SMYD3: variants seen among roughly 807,000 people sequenced by gnomAD.
SMYD3 encodes the protein histone-lysine N-methyltransferase SMYD3.
A neutral mutation model predicts 57.7 loss-of-function variants in SMYD3; 36 were observed. The ratio of observed to expected loss-of-function variants is 0.62; its 90% confidence interval spans 0.48 to 0.82. The LOEUF is 0.82. SMYD3 is among the 40% of genes least tolerant of loss of function. The pLI is 0.00. For synonymous variants in SMYD3, 211 were observed against 195.0 expected, an observed-to-expected ratio of 1.08 and a Z score of -0.68; for missense variants, 515 against 538.8, an observed-to-expected ratio of 0.96 and a Z score of 0.44.
Position 246,246,821 on chromosome 1 carries a change from C to T in SMYD3, c.531+80380G>A, listed in dbSNP as rs2063711353. Among the ~76,000 whole-genome samples the T allele has an allele frequency of 3.4e-5, 5 of 148,542 alleles. No individual in the cohort carries two copies. In the South Asian group the frequency reaches 1.1e-3, roughly 33 times the overall value. ...AATTTGCCTGACTCTAACATTTACA[C>T]TATATATATTTTATACATATATACT... On this transcript the variant is annotated intron_variant, in intron 5 of 11. Transcript: ENST00000490107.
intron 5 of SMYD3, among the ~76,000 whole-genome samples, chr1:245,966,808 T>C (rs765960099): frequency 6.6e-6 from 1 of 152,048 alleles, no homozygotes; most frequent in Admixed American, 6.5e-5. Context: ...TTCAAGGCTG[T>C]AGGGAGTACA....
chr1:246,285,368 T>C (rs1463791967), intron 5 of SMYD3, among the ~76,000 whole-genome samples: 1 of 152,214 alleles, frequency 6.6e-6, no homozygotes, highest in African/African-American at 2.4e-5. Flanking sequence ...CATTGACTGA[T>C]GGGCATTTGG....
intron 10 of SMYD3, among the ~76,000 whole-genome samples, chr1:245,778,776 T>C (rs1368628671): frequency 6.6e-6 from 1 of 151,884 alleles, no homozygotes; most frequent in Non-Finnish European, 1.5e-5. Flanking sequence ...GCAAGAGTTC[T>C]TAAATATGAC....
intron 10 of SMYD3, among the ~76,000 whole-genome samples, chr1:245,851,732 A>C (rs1454658051): frequency 6.6e-6 from 1 of 152,094 alleles, no homozygotes; most frequent in Non-Finnish European, 1.5e-5. Flanking sequence ...TATATCTAGC[A>C]CTCTTGCTAC....
intron 5 of SMYD3, among the ~76,000 whole-genome samples, chr1:246,058,945 G>C (rs371533137): frequency 1.3e-5 from 2 of 149,644 alleles, no homozygotes; most frequent in African/African-American, 5.0e-5. Context: ...CATGATCTCC[G>C]CTCACTGCCA....
chr1:246,026,634 T>C (rs943520592), intron 5 of SMYD3, among the ~76,000 whole-genome samples: 13 of 152,226 alleles, frequency 8.5e-5, no homozygotes, highest in African/African-American at 3.1e-4. Context: ...TGGGGCACCA[T>C]GAACAGTGCC....
intron 8 of SMYD3, among the ~76,000 whole-genome samples, chr1:245,892,383 C>T (rs1434560723): frequency 3.3e-5 from 5 of 152,190 alleles, no homozygotes; most frequent in Non-Finnish European, 7.3e-5. Flanking sequence ...AGTAGCTTTG[C>T]CAGGTTTAGA....
intron 5 of SMYD3, chr1:246,326,707 T>C: frequency 3.5e-6 from 1 of 288,582 alleles, no homozygotes; most frequent in Non-Finnish European, 6.4e-6. Flanking sequence ...GAGATTGCAG[T>C]GAGCCGAGAT....
intron 1 of SMYD3, among the ~76,000 whole-genome samples, chr1:246,399,923 T>C (rs771495921): frequency 1.3e-5 from 2 of 152,214 alleles, no homozygotes; most frequent in Non-Finnish European, 2.9e-5. Context: ...TATGAATTTG[T>C]TATATTCTCA....
At chr1:246,234,169 C>A (rs1281138899) in intron 5 of SMYD3, among the ~76,000 whole-genome samples, 4 of 134,518 alleles carry the variant, frequency 3.0e-5, no homozygotes, top group African/African-American at 1.1e-4. Flanking sequence ...AGGAGAAGCA[C>A]TCCTCAATTC....
At position 246,025,465 on chromosome 1, in the gene SMYD3, G is replaced by A. The variant is rs117343395; in HGVS notation, c.532-95528C>T. On this transcript the variant is annotated intron_variant, in intron 5 of 11. Coordinates refer to ENST00000490107, the MANE Select transcript of SMYD3 (RefSeq NM_001167740.2). ...GACGTCTCACATCCCTCTAAAAACC[G>A]AAAAGAGGTACCAGTACTGTGACGG... Among the ~76,000 whole-genome samples, 33 of 152,276 alleles carry A rather than the reference G, an allele frequency of 2.2e-4. No individual in the cohort carries two copies. In the East Asian group the frequency reaches 5.6e-3, roughly 26 times the overall value.
intron 5 of SMYD3, among the ~76,000 whole-genome samples, chr1:246,071,807 G>A (rs1312907316): frequency 1.3e-5 from 2 of 150,594 alleles, no homozygotes; most frequent in East Asian, 2.0e-4. Context: ...GGATTCGTGT[G>A]CTTTCCACTG....
At chr1:245,934,823 C>G (rs949290767) in intron 5 of SMYD3, among the ~76,000 whole-genome samples, 2 of 152,116 alleles carry the variant, frequency 1.3e-5, no homozygotes, top group African/African-American at 4.8e-5. Flanking sequence ...CAGGAAGTTG[C>G]TGGAGGGTCT....
At chr1:246,332,984 G>A (rs926319112) in intron 3 of SMYD3, among the ~76,000 whole-genome samples, 36 of 152,200 alleles carry the variant, frequency 2.4e-4, no homozygotes, top group African/African-American at 8.7e-4. Flanking sequence ...ATGTCACTTA[G>A]GACTTTCATA....
At chr1:245,816,886 C>T (rs975155762) in intron 10 of SMYD3, among the ~76,000 whole-genome samples, 3 of 129,298 alleles carry the variant, frequency 2.3e-5, no homozygotes, top group African/African-American at 4.9e-5. Context: ...GCATCTGGCT[C>T]GGAGGGTCCT....
At chr1:246,471,964 G>T (rs925570056) in intron 1 of SMYD3, among the ~76,000 whole-genome samples, 1 of 151,936 alleles carries the variant, frequency 6.6e-6, no homozygotes, top group Non-Finnish European at 1.5e-5. Flanking sequence ...CCTAAAGTAG[G>T]TGTTACTTGT....
chr1:246,259,094 C>T (rs2063952281), intron 5 of SMYD3, among the ~76,000 whole-genome samples: 1 of 152,014 alleles, frequency 6.6e-6, no homozygotes, highest in African/African-American at 2.4e-5. Flanking sequence ...ATATTTATCT[C>T]TTCCTTCATT....
At chr1:246,401,262 C>T (rs1312315376) in intron 1 of SMYD3, among the ~76,000 whole-genome samples, 1 of 152,068 alleles carries the variant, frequency 6.6e-6, no homozygotes, top group Non-Finnish European at 1.5e-5. Context: ...TTTGGGAGGC[C>T]AAGGCAGGAG....
intron 11 of SMYD3, among the ~76,000 whole-genome samples, chr1:245,751,556 CAG>C (rs2045361562): frequency 8.3e-6 from 1 of 120,484 alleles, no homozygotes; most frequent in Non-Finnish European, 1.8e-5. Flanking sequence ...GAGAGAGAGA[CAG>C]AGAGACAGAG....
Sources: gnomAD v4.1 joint callset for allele counts (sites outside exome capture counted in the v4.1 genomes callset) on GRCh38, gnomAD v4.1.1 for gene constraint, MANE v1.5 for transcripts, NCBI Gene and HGNC (gene_info 2026-07-23, HGNC 2026-07-21) for gene names.